Variants in TMEM135 observed in about 807,000 individuals in gnomAD.
The protein encoded by TMEM135 is peroxisomal membrane protein 52.
Under a neutral mutation model 60.3 loss-of-function variants are expected in TMEM135, and 30 were observed. The observed-to-expected ratio is 0.50, with a 90% CI of 0.37 to 0.68. The LOEUF is 0.68. Ranked by LOEUF, TMEM135 falls within the 30% of genes least tolerant of loss-of-function variation. The pLI is 0.00. For missense variants in TMEM135, 468 were observed against 548.8 expected, an observed-to-expected ratio of 0.85 and a Z score of 1.47; for synonymous variants, 190 against 186.7, an observed-to-expected ratio of 1.02 and a Z score of -0.14.
At chr11:87,241,336 C>T (rs184993501) in intron 6 of TMEM135, among the ~76,000 whole-genome samples, 2 of 151,938 alleles carry the variant, frequency 1.3e-5, no homozygotes, top group East Asian at 3.9e-4. Context: ...TAATTCGGTT[C>T]TATGTTTATT....
chr11:87,204,806 G>A (rs1940199201), intron 5 of TMEM135, among the ~76,000 whole-genome samples: 1 of 152,064 alleles, frequency 6.6e-6, no homozygotes. Context: ...GGCAGAGGTG[G>A]AAGAAAATCA....
At chr11:87,212,611 C>T (rs1039247173) in intron 5 of TMEM135, among the ~76,000 whole-genome samples, 1 of 151,880 alleles carries the variant, frequency 6.6e-6, no homozygotes, top group Non-Finnish European at 1.5e-5. Flanking sequence ...CACCTGAGCT[C>T]AGGAGTTTGA....
intron 1 of TMEM135, among the ~76,000 whole-genome samples, chr11:87,060,116 A>C (rs1949932279): frequency 6.6e-6 from 1 of 152,230 alleles, no homozygotes; most frequent in Non-Finnish European, 1.5e-5. Context: ...CTGAATAAAA[A>C]AAAAGAAAGA....
chr11:87,073,521 C>T (rs1475993779), intron 3 of TMEM135, among the ~76,000 whole-genome samples: 2 of 152,110 alleles, frequency 1.3e-5, no homozygotes, highest in African/African-American at 4.8e-5. Flanking sequence ...TAGGTTACTC[C>T]ACCTGAAAAG....
chr11:87,099,682 G>GTTTTTTT lies in TMEM135; in HGVS notation c.396+8301_396+8307dup, dbSNP rs57019125. ...TATTGTGGTTACATGTTTCATGGTG[G>GTTTTTTT]TTTTTTTTTTTTTTTTTTTTGAGGC... On this transcript the variant is annotated intron_variant, in intron 4 of 14. Coordinates refer to ENST00000305494, the MANE Select transcript of TMEM135 (RefSeq NM_022918.4). Among the ~76,000 whole-genome samples, 60 of 109,372 alleles carry GTTTTTTT rather than the reference G, an allele frequency of 5.5e-4. 1 individual carries two copies. The highest frequency in any genetic ancestry group is 7.4e-4 in the Non-Finnish European group (40 of 54,086). The allele number at this position is 109,372 out of a possible 152,430, so 71.8% of individuals were successfully genotyped here. A position where few individuals can be genotyped will look rare whatever the true frequency, so the allele number is the denominator to read the frequency against.
intron 1 of TMEM135, among the ~76,000 whole-genome samples, chr11:87,039,783 T>G (rs1949735302): frequency 6.6e-6 from 1 of 152,238 alleles, no homozygotes; most frequent in Non-Finnish European, 1.5e-5. Flanking sequence ...TATCTACTTC[T>G]CCCTCTGAAA....
intron 6 of TMEM135, among the ~76,000 whole-genome samples, chr11:87,264,507 A>G (rs899578762): frequency 2.0e-5 from 3 of 151,876 alleles, no homozygotes; most frequent in African/African-American, 7.2e-5. Context: ...TTTTAGTAGG[A>G]AGGAACTATA....
intron 6 of TMEM135, among the ~76,000 whole-genome samples, chr11:87,242,379 G>C (rs1941159018): frequency 6.8e-6 from 1 of 146,810 alleles, no homozygotes; most frequent in African/African-American, 2.5e-5. Context: ...TAATGGGATG[G>C]CTGGGTCAAA....
At chr11:87,311,109 A>C (rs746144427) in intron 10 of TMEM135, among the ~76,000 whole-genome samples, 2 of 19,356 alleles carry the variant, frequency 1.0e-4, no homozygotes, top group Admixed American at 7.3e-4. Context: ...ATATATGTCT[A>C]TATATATATA....
intron 14 of TMEM135, among the ~76,000 whole-genome samples, chr11:87,320,029 T>C (rs1030557174): frequency 3.3e-5 from 5 of 152,198 alleles, no homozygotes; most frequent in African/African-American, 1.2e-4. Context: ...AAGATGCTTA[T>C]AGTAGCGCTG....
rs372601204 is a variant in TMEM135 at position 87,326,429 on chromosome 11, C to T, written c.*5096C>T. On this transcript the variant is annotated 3_prime_UTR_variant, in exon 15 of 15. Transcript: ENST00000305494. ...TATTAAACTTTTTCCAGTAGTTAAT[C>T]GATCTCTTAAATTAATTTTCTTTTC... is the stretch of plus-strand genomic sequence containing the variant. 85 of 454,036 alleles carry T rather than the reference C, an allele frequency of 1.9e-4. 1 individual carries two copies. Among genetic ancestry groups the T allele is most frequent in the African/African-American group, 1.1e-3 (55 of 50,098 alleles). 28.1% of individuals were successfully genotyped at this position (454,036 alleles called of 1,614,324 possible).
chr11:87,280,818 A>C (rs1471525962), intron 6 of TMEM135, among the ~76,000 whole-genome samples: 1 of 152,206 alleles, frequency 6.6e-6, no homozygotes, highest in African/African-American at 2.4e-5. Flanking sequence ...GAAGGAGTGA[A>C]TAAATGATGT....
chr11:87,126,325 G>A (rs115267207), intron 4 of TMEM135, among the ~76,000 whole-genome samples: 2,398 of 152,048 alleles, frequency 0.016, 61 homozygotes, highest in African/African-American at 0.055. Flanking sequence ...GTGCATAAAT[G>A]TATATTTATA....
chr11:87,102,712 A>ATATATATG (rs1857487503), intron 4 of TMEM135, among the ~76,000 whole-genome samples: 1 of 55,688 alleles, frequency 1.8e-5, no homozygotes, highest in Admixed American at 1.8e-4. Flanking sequence ...ATGTATATAT[A>ATATATATG]TGTATATATA....
intron 6 of TMEM135, among the ~76,000 whole-genome samples, chr11:87,287,480 C>A (rs1303881372): frequency 6.6e-6 from 1 of 152,082 alleles, no homozygotes; most frequent in African/African-American, 2.4e-5. Flanking sequence ...AGATCAAGAC[C>A]ATCCTGGTCA....
At chr11:87,150,820 G>A (rs567021995) in intron 4 of TMEM135, among the ~76,000 whole-genome samples, 5 of 151,722 alleles carry the variant, frequency 3.3e-5, no homozygotes, top group South Asian at 2.1e-4. Context: ...TGAGACTTCC[G>A]TTTACCTCTG....
At chr11:87,053,730 C>A (rs549330960) in intron 1 of TMEM135, among the ~76,000 whole-genome samples, 20 of 152,254 alleles carry the variant, frequency 1.3e-4, no homozygotes, top group African/African-American at 4.6e-4. Context: ...TATAATACTT[C>A]AGATTTATTA....
At chr11:87,056,189 C>T (rs1440489005) in intron 1 of TMEM135, among the ~76,000 whole-genome samples, 1 of 152,172 alleles carries the variant, frequency 6.6e-6, no homozygotes, top group African/African-American at 2.4e-5. Context: ...CTGGCCACTA[C>T]CAAGTCTGGG....
At chr11:87,195,387 TTCC>T (rs1939925302) in intron 5 of TMEM135, among the ~76,000 whole-genome samples, 1 of 70,678 alleles carries the variant, frequency 1.4e-5, no homozygotes, top group Admixed American at 1.6e-4. Flanking sequence ...CCTTCCTTCC[TTCC>T]TTCTCTCTCT....
Sources: gnomAD v4.1 joint callset for allele counts (sites outside exome capture counted in the v4.1 genomes callset) on GRCh38, gnomAD v4.1.1 for gene constraint, MANE v1.5 for transcripts, NCBI Gene and HGNC (gene_info 2026-07-23, HGNC 2026-07-21) for gene names.